The following RIPOR2 variants were observed in gnomAD, a reference collection of about 807,000 sequenced individuals.
The protein encoded by RIPOR2 is rho family-interacting cell polarization regulator 2.
In RIPOR2, 39 loss-of-function variants were observed where a neutral mutation model predicts 114.5. The observed-to-expected ratio is 0.34, with a 90% CI of 0.26 to 0.44. The LOEUF is 0.44. Ranked by LOEUF, RIPOR2 falls within the 20% of genes least tolerant of loss-of-function variation. The pLI is 1.00. For synonymous variants in RIPOR2, 445 were observed against 484.4 expected (o/e 0.92, Z 1.07); for missense variants, 1,007 against 1,255.1 (o/e 0.80, Z 2.99).
At chr6:24,884,163 C>T (rs1219441977) in intron 1 of RIPOR2, among the ~76,000 whole-genome samples, 18 of 152,158 alleles carry the variant, frequency 1.2e-4, no homozygotes, top group Admixed American at 1.2e-3. Flanking sequence ...AATCCCAGCA[C>T]TTTGGGAGGC....
In RIPOR2 at chr6:24,839,494, G is replaced by A. The variant is rs555510895; in HGVS notation, c.1858-222C>T. 2,632 of 1,407,368 alleles carry A rather than the reference G, an allele frequency of 1.9e-3. 8 individuals are homozygous for A. Among genetic ancestry groups the A allele is most frequent in the Non-Finnish European group, 2.4e-3 (2,529 of 1,041,670 alleles). 87.2% of individuals were successfully genotyped at this position (1,407,368 alleles called of 1,614,324 possible). A position where few individuals can be genotyped will look rare whatever the true frequency, so the allele number is the denominator to read the frequency against. On this transcript the variant is annotated intron_variant, in intron 13 of 21. Transcript: ENST00000643898. ...GGACTGGTTGCAGAAGAATCCAGAG[G>A]GAAGTCAGCAGGTTGAAGAATAGGA...
At chr6:24,876,877 T>C in intron 1 of RIPOR2, 1 of 723,930 alleles carries the variant, frequency 1.4e-6, no homozygotes, top group Non-Finnish European at 1.7e-6. Flanking sequence ...CCAGGGCTAG[T>C]TCCCCCAAAG....
intron 15 of RIPOR2, among the ~76,000 whole-genome samples, chr6:24,832,629 A>G (rs2113687434): frequency 6.6e-6 from 1 of 152,318 alleles, no homozygotes. Context: ...TCTCAGTAGT[A>G]GGTCTACAAG....
rs1780692576 is a variant in RIPOR2 at position 24,805,092 on chromosome 6, C to T, written c.*1281G>A. 1 of 152,130 alleles carries T rather than the reference C, an allele frequency of 6.6e-6. No individual in the cohort carries two copies. Among genetic ancestry groups the T allele is most frequent in the Admixed American group, 6.5e-5 (1 of 15,268 alleles). The allele number at this position is 152,130 out of a possible 1,614,324, so 9.4% of individuals were successfully genotyped here. Reference sequence around the variant, plus strand: ...CACTTTAAATGTTCCTCCACTCCTACTCCATTAGGATTTCTCTGACTTCTA... The same window carrying T: ...CACTTTAAATGTTCCTCCACTCCTATTCCATTAGGATTTCTCTGACTTCTA... On this transcript the variant is annotated 3_prime_UTR_variant, in exon 22 of 22. Coordinates refer to ENST00000643898, the MANE Select transcript of RIPOR2 (RefSeq NM_001286445.3).
chr6:24,882,218 C>T (rs1766414674), intron 1 of RIPOR2, among the ~76,000 whole-genome samples: 1 of 152,198 alleles, frequency 6.6e-6, no homozygotes, highest in African/African-American at 2.4e-5. Context: ...GGCATTCTGG[C>T]TCATGTTTTC....
At chr6:24,839,709 A>G (rs947346773) in intron 13 of RIPOR2, 2 of 1,475,990 alleles carry the variant, frequency 1.4e-6, no homozygotes, top group African/African-American at 2.9e-5. Context: ...CCCTCTGCCT[A>G]GTGCTCACCC....
At chr6:24,947,793 A>C (rs933892904) in intron 1 of RIPOR2, 1 of 152,198 alleles carries the variant, frequency 6.6e-6, no homozygotes, top group African/African-American at 2.4e-5. Context: ...GAAGGGAAGG[A>C]AAGAAAGAAA....
intron 1 of RIPOR2, among the ~76,000 whole-genome samples, chr6:24,995,490 C>T (rs1775005703): frequency 1.3e-5 from 2 of 152,278 alleles, no homozygotes; most frequent in South Asian, 2.1e-4. Flanking sequence ...ACTGCCAATC[C>T]CGGCAACTCA....
intron 11 of RIPOR2, among the ~76,000 whole-genome samples, chr6:24,848,458 T>G (rs1762536638): frequency 6.6e-6 from 1 of 152,206 alleles, no homozygotes; most frequent in African/African-American, 2.4e-5. Flanking sequence ...TATGAATGCT[T>G]GCTTCGACAA....
chr6:24,820,311 G>A (rs9348648), intron 19 of RIPOR2, among the ~76,000 whole-genome samples: 49,309 of 151,948 alleles, frequency 0.32, 8,622 homozygotes, highest in East Asian at 0.68. Flanking sequence ...GATTACAGGC[G>A]TGAGCCACTG....
At chr6:24,833,378 G>T (rs2113689871) in intron 15 of RIPOR2, among the ~76,000 whole-genome samples, 1 of 152,210 alleles carries the variant, frequency 6.6e-6, no homozygotes, top group African/African-American at 2.4e-5. Flanking sequence ...GTGCAGGCCT[G>T]TAGTCTAAGC....
chr6:24,825,925 CT>C (rs11454820), intron 18 of RIPOR2, among the ~76,000 whole-genome samples: 22 of 126,294 alleles, frequency 1.7e-4, no homozygotes, highest in African/African-American at 2.9e-4. Context: ...ATGTTTTTCT[CT>C]TTTTTTTTTT....
At chr6:24,825,449 A>C in intron 18 of RIPOR2, 21 bp from the exon 19 acceptor site, 1 of 1,518,758 alleles carries the variant, frequency 6.6e-7, no homozygotes, top group Non-Finnish European at 9.0e-7. Context: ...AGAAGGAAGG[A>C]GATTTCATGT....
At chr6:24,889,068 T>C (rs1290726907) in intron 1 of RIPOR2, among the ~76,000 whole-genome samples, 1 of 152,208 alleles carries the variant, frequency 6.6e-6, no homozygotes, top group African/African-American at 2.4e-5. Flanking sequence ...GCTTAACATT[T>C]AGGCATCTTA....
At chr6:25,008,267 C>T (rs894145504) in intron 1 of RIPOR2, among the ~76,000 whole-genome samples, 2 of 152,086 alleles carry the variant, frequency 1.3e-5, no homozygotes, top group Non-Finnish European at 2.9e-5. Flanking sequence ...ACACCCGCCT[C>T]GGCCTCCCAA....
At chr6:24,914,792 C>T (rs1769941667) in intron 1 of RIPOR2, among the ~76,000 whole-genome samples, 1 of 152,150 alleles carries the variant, frequency 6.6e-6, no homozygotes, top group African/African-American at 2.4e-5. Context: ...CAAAATGCAA[C>T]CAATTTAATT....
chr6:24,968,078 C>A (rs1304676023), intron 1 of RIPOR2, among the ~76,000 whole-genome samples: 1 of 151,792 alleles, frequency 6.6e-6, no homozygotes, highest in Non-Finnish European at 1.5e-5. Context: ...ACACCTGGCT[C>A]TATTTTTAAT....
chr6:24,923,497 G>A (rs564404853), intron 1 of RIPOR2, among the ~76,000 whole-genome samples: 4 of 152,006 alleles, frequency 2.6e-5, no homozygotes, highest in African/African-American at 9.7e-5. Context: ...AAAAGTGGCC[G>A]AGAGTTTCCT....
intron 1 of RIPOR2, among the ~76,000 whole-genome samples, chr6:24,912,045 T>G (rs1769657762): frequency 6.6e-6 from 1 of 152,178 alleles, no homozygotes; most frequent in South Asian, 2.1e-4. Context: ...GTCTGGGCAC[T>G]GCATCCTCGG....
Sources: allele counts gnomAD v4.1 joint callset (sites outside exome capture counted in the v4.1 genomes callset), GRCh38; gene constraint gnomAD v4.1.1; transcripts MANE v1.5; gene names NCBI Gene and HGNC (gene_info 2026-07-23, HGNC 2026-07-21).